The following PAX7 variants were observed in gnomAD, a reference collection of about 807,000 sequenced individuals.
PAX7 encodes paired box protein Pax-7.
A neutral mutation model predicts 50.7 loss-of-function variants in PAX7; 18 were observed. That is an observed-to-expected ratio of 0.36 (90% CI 0.25 to 0.53). PAX7 has a LOEUF of 0.53. PAX7 is among the 20% of genes least tolerant of loss of function. PAX7 has a pLI of 0.93. For synonymous variants in PAX7, 310 were observed against 290.4 expected, an observed-to-expected ratio of 1.07 and a Z score of -0.69; for missense variants, 644 against 702.9, an observed-to-expected ratio of 0.92 and a Z score of 0.95.
rs951573659 is a variant in PAX7, at chr1:18,700,589, G to T, written c.787-64G>T. ...ATGGCTTGGGCAACTGGGTCTACAT[G>T]TGTTGCAGCTCTCTGCCAGGAACCT... On this transcript the variant is annotated intron_variant, in intron 5 of 8. Coordinates refer to ENST00000420770, the MANE Select transcript of PAX7 (RefSeq NM_001135254.2). The surrounding 1 kb of genome is among the most constrained non-coding windows in gnomAD (Gnocchi z 4.8). 6 of 1,421,374 alleles carry T rather than the reference G, an allele frequency of 4.2e-6. No individual in the cohort carries two copies. The highest frequency in any genetic ancestry group is 5.6e-6 in the Non-Finnish European group (6 of 1,070,904). 88.0% of individuals were successfully genotyped at this position (1,421,374 alleles called of 1,614,324 possible).
Position 18,631,551 on chromosome 1 carries a change from C to A in PAX7, c.-53C>A. On this transcript the variant is annotated 5_prime_UTR_variant, in exon 1 of 9. Transcript: ENST00000420770. Reference sequence around the variant, plus strand: ...GAGATCGCAGCAGGGGTGAAGGGAGCGGACGGGAAGCGATTTTTGCCGACT... The same window carrying A: ...GAGATCGCAGCAGGGGTGAAGGGAGAGGACGGGAAGCGATTTTTGCCGACT... The A allele has an allele frequency of 1.4e-6, 2 of 1,441,062 alleles. No homozygotes were observed. The highest frequency in any genetic ancestry group is 1.9e-6 in the Non-Finnish European group (2 of 1,033,202). The allele number at this position is 1,441,062 out of a possible 1,614,324, so 89.3% of individuals were successfully genotyped here.
intron 7 of PAX7, among the ~76,000 whole-genome samples, chr1:18,719,431 G>A (rs538214543): frequency 5.9e-5 from 9 of 152,338 alleles, no homozygotes; most frequent in South Asian, 4.1e-4. Flanking sequence ...GACAGTGTGC[G>A]CTCTCGGAAC....
chr1:18,703,460 C>T (rs548363589), intron 7 of PAX7, among the ~76,000 whole-genome samples, 164 bp downstream of exon 7: 65 of 152,232 alleles, frequency 4.3e-4, no homozygotes, highest in Non-Finnish European at 8.5e-4. Context: ...GTCCTGTGCT[C>T]TTGGCTTTTC....
At chr1:18,659,942 G>C (rs1465797877) in intron 4 of PAX7, among the ~76,000 whole-genome samples, 1 of 152,216 alleles carries the variant, frequency 6.6e-6, no homozygotes, top group African/African-American at 2.4e-5. Context: ...AAAAGAATTG[G>C]GAAAAGCCCA....
Position 18,632,067 on chromosome 1 carries a change from T to C in PAX7, c.85+379T>C, listed in dbSNP as rs1381225542. On this transcript the variant is annotated intron_variant, in intron 1 of 8. Coordinates refer to ENST00000420770, the MANE Select transcript of PAX7 (RefSeq NM_001135254.2). This position sits in a 1 kb window ranked among gnomAD's most constrained non-coding sequence, Gnocchi z 6.3. ...CTCCTGGCTCGCTGGCTGCCAGCTT[T>C]CTACTCTTGTTTTGAATTATTTTTT... is the stretch of plus-strand genomic sequence containing the variant. 6.6e-6 allele frequency among the ~76,000 whole-genome samples: 1 copy of C among 152,148 alleles called. No individual in the cohort carries two copies. The highest frequency in any genetic ancestry group is 1.5e-5 in the Non-Finnish European group (1 of 68,022).
chr1:18,676,791 G>A (rs964846015), intron 4 of PAX7, among the ~76,000 whole-genome samples: 2 of 152,196 alleles, frequency 1.3e-5, no homozygotes, highest in African/African-American at 4.8e-5. Context: ...AGGCATTGTT[G>A]AGAGCCAGCC....
chr1:18,666,859 G>C (rs1281947457), intron 4 of PAX7, among the ~76,000 whole-genome samples: 2 of 152,198 alleles, frequency 1.3e-5, no homozygotes, highest in African/African-American at 4.8e-5. Context: ...GGCAAGTTCA[G>C]AGAAAAGGAA....
Position 18,695,802 on chromosome 1 carries a change from T to C in PAX7, c.786+3849T>C, listed in dbSNP as rs139162239. Reference sequence around the variant, plus strand: ...CTAGAAATAGAGGCTGCAGGGCTAATAGGTCCCAAGGTCACCCCATGGCCT... The same window carrying C: ...CTAGAAATAGAGGCTGCAGGGCTAACAGGTCCCAAGGTCACCCCATGGCCT... On this transcript the variant is annotated intron_variant, in intron 5 of 8. Transcript: ENST00000420770. Among the ~76,000 whole-genome samples, 286 of 152,280 alleles carry C rather than the reference T, an allele frequency of 1.9e-3. 1 individual carries two copies. The highest frequency in any genetic ancestry group is 6.5e-3 in the African/African-American group (269 of 41,554).
At chr1:18,734,471 G>T (rs2089686713) in intron 7 of PAX7, among the ~76,000 whole-genome samples, 1 of 151,866 alleles carries the variant, frequency 6.6e-6, no homozygotes, top group East Asian at 1.9e-4. Flanking sequence ...CCCCTGCTCT[G>T]CTCTGAACTG....
In PAX7 at chr1:18,634,997, C is replaced by T; in HGVS notation, c.322-114C>T. The T allele has an allele frequency of 7.6e-7, 1 of 1,317,076 alleles. No individual in the cohort carries two copies. Among genetic ancestry groups the T allele is most frequent in the South Asian group, 1.5e-5 (1 of 66,692 alleles). 81.6% of individuals were successfully genotyped at this position (1,317,076 alleles called of 1,614,324 possible). A position where few individuals can be genotyped will look rare whatever the true frequency, so the allele number is the denominator to read the frequency against. On this transcript the variant is annotated intron_variant, in intron 2 of 8. Coordinates refer to ENST00000420770, the MANE Select transcript of PAX7 (RefSeq NM_001135254.2). The surrounding 1 kb of genome is among the most constrained non-coding windows in gnomAD (Gnocchi z 4.0). ...CAATCTCTTGGGGGATGGGGGGACA[C>T]AAGGTAACCAGAACCACCAGCCTGG...
chr1:18,699,807 C>T (rs993820586), intron 5 of PAX7, among the ~76,000 whole-genome samples: 6 of 152,068 alleles, frequency 3.9e-5, no homozygotes, highest in African/African-American at 9.7e-5. Flanking sequence ...GTGATCCGCC[C>T]GCCTCGGCCT....
At chr1:18,742,216 G>A (rs1038730146) in intron 8 of PAX7, among the ~76,000 whole-genome samples, 3 of 139,366 alleles carry the variant, frequency 2.2e-5, no homozygotes, top group African/African-American at 8.3e-5. Flanking sequence ...GGAGTGCAGT[G>A]GTGCGATCTT....
chr1:18,651,432 C>T (rs2088428998), intron 4 of PAX7, among the ~76,000 whole-genome samples: 1 of 152,202 alleles, frequency 6.6e-6, no homozygotes, highest in South Asian at 2.1e-4. Flanking sequence ...ATTAACAATC[C>T]TTCTCTATCC....
Position 18,636,181 on chromosome 1 carries a change from G to A in PAX7, c.452-56G>A. The stretch of plus-strand genomic sequence containing the variant: ...CTTTCTCCCAGGGGCCCAGGCCACC[G>A]CTCGCTCCTCTGCTCCAACAACTTA... On this transcript the variant is annotated intron_variant, in intron 3 of 8. Coordinates refer to ENST00000420770, the MANE Select transcript of PAX7 (RefSeq NM_001135254.2). This position sits in a 1 kb window ranked among gnomAD's most constrained non-coding sequence, Gnocchi z 5.1. 9 of 1,582,466 alleles carry A rather than the reference G, an allele frequency of 5.7e-6. No homozygotes were observed. The highest frequency in any genetic ancestry group is 1.1e-5 in the South Asian group (1 of 87,120).
chr1:18,704,714 AC>A (rs1309113660), intron 7 of PAX7, among the ~76,000 whole-genome samples: 1 of 151,978 alleles, frequency 6.6e-6, no homozygotes, highest in African/African-American at 2.4e-5. Context: ...AAAAAAAAAA[AC>A]AAACCTTTGT....
Position 18,735,776 on chromosome 1 carries a change from G to C in PAX7, c.1300G>C (p.Asp434His). 6.2e-7 allele frequency: 1 copy of C among 1,614,140 alleles called. No individual in the cohort carries two copies. The highest frequency in any genetic ancestry group is 8.5e-7 in the Non-Finnish European group (1 of 1,180,022). ...GCGGGCCGACTCCATCAAGCCAGGAGACAGCCTGCCCACCTCCCAGGCCTA... is the reference window on the plus strand; with the variant it reads ...GCGGGCCGACTCCATCAAGCCAGGACACAGCCTGCCCACCTCCCAGGCCTA... ...SQRADSIKPG[D>H]SLPTSQAYCP... The change falls in exon 8 of 9, where the codon GAC becomes CAC. Residue 434 changes from aspartate (D) to histidine (H), a missense_variant. Physicochemically the swap from Asp to His is moderately conservative, Grantham distance 81. Transcript: ENST00000420770. The surrounding 1 kb of genome is among the most constrained non-coding windows in gnomAD (Gnocchi z 4.0).
intron 4 of PAX7, among the ~76,000 whole-genome samples, chr1:18,691,399 T>A (rs2089067875): frequency 6.6e-6 from 1 of 152,212 alleles, no homozygotes; most frequent in African/African-American, 2.4e-5. Context: ...AAACCATCCC[T>A]TGAGTCTTAT....
chr1:18,701,392 G>C (rs1415307782), intron 6 of PAX7, among the ~76,000 whole-genome samples: 1 of 151,944 alleles, frequency 6.6e-6, no homozygotes. Context: ...GTGTGTGGGT[G>C]TGTGCATGAG....
At chr1:18,675,156 A>G (rs971024142) in intron 4 of PAX7, among the ~76,000 whole-genome samples, 1 of 152,162 alleles carries the variant, frequency 6.6e-6, no homozygotes, top group African/African-American at 2.4e-5. Context: ...TGAGGGTTCT[A>G]TGAAAGGATG....
Sources: gnomAD v4.1 joint callset for allele counts (sites outside exome capture counted in the v4.1 genomes callset) on GRCh38, gnomAD v4.1.1 for gene constraint, Gnocchi (gnomAD v3.1) non-coding constraint, MANE v1.5 for transcripts, NCBI Gene and HGNC (gene_info 2026-07-23, HGNC 2026-07-21) for gene names.